CDKAL1: variants seen among roughly 807,000 people sequenced by gnomAD.
CDKAL1 encodes CDKAL1 threonylcarbamoyladenosine tRNA methylthiotransferase, also known as threonylcarbamoyladenosine tRNA methylthiotransferase.
In CDKAL1, 32 loss-of-function variants were observed where a neutral mutation model predicts 68.2. That is an observed-to-expected ratio of 0.47 (90% CI 0.35 to 0.63). The LOEUF is 0.63. Ranked by LOEUF, CDKAL1 falls within the 30% of genes least tolerant of loss-of-function variation. The probability of loss-of-function intolerance (pLI) is 0.00; values close to 1 mark genes in which losing one functional copy is unlikely to be tolerated. For missense variants in CDKAL1, 606 were observed against 696.7 expected, an observed-to-expected ratio of 0.87 and a Z score of 1.47; for synonymous variants, 234 against 244.3, an observed-to-expected ratio of 0.96 and a Z score of 0.39.
chr6:21,141,648 AAGCAACAC>A (rs1775916277), intron 13 of CDKAL1, among the ~76,000 whole-genome samples: 1 of 152,206 alleles, frequency 6.6e-6, no homozygotes. Flanking sequence ...TCTTGGCATG[AAGCAACAC>A]TGGCATTATG....
At chr6:20,801,896 A>C (rs949181446) in intron 8 of CDKAL1, among the ~76,000 whole-genome samples, 1 of 152,176 alleles carries the variant, frequency 6.6e-6, no homozygotes, top group Admixed American at 6.5e-5. Flanking sequence ...CATCCTTCTT[A>C]AATGTATTAA....
Position 20,926,121 on chromosome 6 carries a change from C to G in CDKAL1, c.743-29298C>G, listed in dbSNP as rs1291181631. On this transcript the variant is annotated intron_variant, in intron 9 of 15. Coordinates refer to ENST00000274695, the MANE Select transcript of CDKAL1 (RefSeq NM_017774.3). ...TACAAAGGATATTGATACATGACAT[C>G]AGTATGGGAGAAATTGATGGCATCA... Among the ~76,000 whole-genome samples the G allele has an allele frequency of 2.0e-5, 3 of 152,012 alleles. No individual in the cohort carries two copies. In the East Asian group the frequency reaches 5.8e-4, roughly 29 times the overall value.
chr6:21,076,074 G>A (rs1176110281), intron 12 of CDKAL1, among the ~76,000 whole-genome samples: 1 of 152,116 alleles, frequency 6.6e-6, no homozygotes, highest in Non-Finnish European at 1.5e-5. Context: ...TCACTTACCT[G>A]CAGTTTCTAG....
intron 5 of CDKAL1, among the ~76,000 whole-genome samples, chr6:20,695,576 C>G (rs575184032): frequency 6.6e-6 from 1 of 152,194 alleles, no homozygotes; most frequent in South Asian, 2.1e-4. Context: ...TCTGGTAATT[C>G]ATTTGCACCA....
At chr6:20,566,991 A>G (rs535526643) in intron 4 of CDKAL1, among the ~76,000 whole-genome samples, 2 of 152,122 alleles carry the variant, frequency 1.3e-5, no homozygotes, top group South Asian at 4.2e-4. Context: ...TTCTACAGAG[A>G]ATATACTAGG....
At position 20,799,210 on chromosome 6, in the gene CDKAL1, A is replaced by C. The variant is rs138271810; in HGVS notation, c.638+17945A>C. Among the ~76,000 whole-genome samples the C allele has an allele frequency of 1.7e-3, 264 of 151,686 alleles. 1 individual carries two copies. Among genetic ancestry groups the C allele is most frequent in the African/African-American group, 6.0e-3 (249 of 41,362 alleles). ...TGGGATTACAGGCACGCACCACCGCACCTGGCTAATTTTGTATTTTTAGTA... is the reference window on the plus strand; with the variant it reads ...TGGGATTACAGGCACGCACCACCGCCCCTGGCTAATTTTGTATTTTTAGTA... On this transcript the variant is annotated intron_variant, in intron 8 of 15. Transcript: ENST00000274695.
At chr6:21,010,200 A>T (rs894153360) in intron 11 of CDKAL1, among the ~76,000 whole-genome samples, 1 of 152,228 alleles carries the variant, frequency 6.6e-6, no homozygotes, top group African/African-American at 2.4e-5. Context: ...AAAACTACAA[A>T]TAAAAGTAAT....
At chr6:20,601,521 T>TA (rs1209071536) in intron 4 of CDKAL1, among the ~76,000 whole-genome samples, 2 of 152,128 alleles carry the variant, frequency 1.3e-5, no homozygotes, top group African/African-American at 4.8e-5. Context: ...AGAATTGACT[T>TA]ACATTTTTTC....
chr6:20,835,208 TG>T (rs1273821446), intron 8 of CDKAL1, among the ~76,000 whole-genome samples: 2 of 152,198 alleles, frequency 1.3e-5, no homozygotes, highest in East Asian at 3.8e-4. Flanking sequence ...ATTGTGGCAA[TG>T]TTTCACAGAT....
At chr6:21,124,952 A>G (rs62404502) in intron 13 of CDKAL1, among the ~76,000 whole-genome samples, 17,326 of 151,654 alleles carry the variant, frequency 0.11, 1,022 homozygotes, top group Middle Eastern at 0.15. Flanking sequence ...CTTTTACCTC[A>G]TATTCCATGC....
chr6:21,184,221 G>A (rs542161268), intron 13 of CDKAL1, among the ~76,000 whole-genome samples: 15 of 145,984 alleles, frequency 1.0e-4, no homozygotes, highest in African/African-American at 3.3e-4. Flanking sequence ...TTGAGGTGGA[G>A]TCTCGCTCTG....
At chr6:21,000,646 C>T (rs9368264) in intron 11 of CDKAL1, among the ~76,000 whole-genome samples, 29,465 of 152,064 alleles carry the variant, frequency 0.19, 3,718 homozygotes, top group East Asian at 0.45. Context: ...TATTTTTATA[C>T]CTGACCTGGT....
intron 12 of CDKAL1, among the ~76,000 whole-genome samples, chr6:21,093,703 T>A (rs60546734): frequency 3.0e-3 from 18 of 5,908 alleles, no homozygotes; most frequent in African/African-American, 0.014. Context: ...GCTTTTTTTT[T>A]TTTTTTTTTT....
In CDKAL1 at chr6:20,603,035, C is replaced by T. The variant is rs183001779; in HGVS notation, c.287-46258C>T. On this transcript the variant is annotated intron_variant, in intron 4 of 15. Coordinates refer to ENST00000274695, the MANE Select transcript of CDKAL1 (RefSeq NM_017774.3). The stretch of plus-strand genomic sequence containing the variant: ...GGAATCTGCTTGTTCCCACTGAGTT[C>T]GGAAACAAGGAGGATACTGTGAGCA... Among the ~76,000 whole-genome samples the T allele has an allele frequency of 2.7e-3, 411 of 152,166 alleles. 1 individual carries two copies. Among genetic ancestry groups the T allele is most frequent in the African/African-American group, 9.1e-3 (378 of 41,504 alleles).
At chr6:20,962,905 AT>A (rs1765121551) in intron 10 of CDKAL1, among the ~76,000 whole-genome samples, 1 of 152,202 alleles carries the variant, frequency 6.6e-6, no homozygotes, top group Admixed American at 6.5e-5. Flanking sequence ...GCCATTTATA[AT>A]CATCAGTGCT....
At chr6:20,928,492 A>C (rs1763280398) in intron 9 of CDKAL1, among the ~76,000 whole-genome samples, 1 of 152,162 alleles carries the variant, frequency 6.6e-6, no homozygotes, top group South Asian at 2.1e-4. Context: ...GGGTATCCTT[A>C]GCTTCCATCA....
chr6:20,950,071 C>T (rs1413529648), intron 9 of CDKAL1, among the ~76,000 whole-genome samples: 2 of 151,548 alleles, frequency 1.3e-5, no homozygotes, highest in Non-Finnish European at 2.9e-5. Flanking sequence ...ATGGCAGGCA[C>T]GAGCGCCCGG....
chr6:20,769,803 C>A (rs902845152), intron 7 of CDKAL1, among the ~76,000 whole-genome samples: 1 of 152,096 alleles, frequency 6.6e-6, no homozygotes, highest in African/African-American at 2.4e-5. Context: ...TACATTAATT[C>A]ATTTCTACTC....
intron 13 of CDKAL1, among the ~76,000 whole-genome samples, chr6:21,191,988 T>TTATC (rs1778260819): frequency 8.8e-6 from 1 of 114,096 alleles, no homozygotes; most frequent in Non-Finnish European, 1.8e-5. Flanking sequence ...TATAATTCAT[T>TTATC]TTTCTTTTTT....
Sources: gnomAD v4.1 joint callset for allele counts (sites outside exome capture counted in the v4.1 genomes callset) on GRCh38, gnomAD v4.1.1 for gene constraint, MANE v1.5 for transcripts, NCBI Gene and HGNC (gene_info 2026-07-23, HGNC 2026-07-21) for gene names.